The following CTSO variants were observed in gnomAD, a reference collection of about 807,000 sequenced individuals.
CTSO encodes cathepsin O.
CTSO carries 40 observed loss-of-function variants against 42.4 expected under a neutral mutation model. The ratio of observed to expected loss-of-function variants is 0.94; its 90% CI spans 0.73 to 1.23. The LOEUF (loss-of-function observed/expected upper bound fraction) is 1.23. Among genes scored for constraint, CTSO ranks in the 50% most tolerant of loss-of-function variants. CTSO has a pLI of 0.00. For synonymous variants in CTSO, 156 were observed against 146.2 expected, an observed-to-expected ratio of 1.07 and a Z score of -0.48; for missense variants, 441 against 396.0, an observed-to-expected ratio of 1.11 and a Z score of -0.96.
intron 1 of CTSO, among the ~76,000 whole-genome samples, chr4:155,950,563 A>C (rs903748728): frequency 5.3e-5 from 8 of 152,146 alleles, no homozygotes; most frequent in Non-Finnish European, 1.0e-4. Flanking sequence ...ATCTTTATAT[A>C]AGGTAGAACA....
chr4:155,933,434 T>A lies in CTSO; in HGVS notation c.675-3729A>T, dbSNP rs59231296. Among the ~76,000 whole-genome samples, 1,256 of 152,266 alleles carry A rather than the reference T, an allele frequency of 8.2e-3. 13 individuals carry two copies. Among genetic ancestry groups the A allele is most frequent in the African/African-American group, 0.029 (1,206 of 41,554 alleles). ...CTTTATCAGCAGCATGAAAATGGACTCATAGTAAATTGGTACTAGTAGATT... is the reference window on the plus strand; with the variant it reads ...CTTTATCAGCAGCATGAAAATGGACACATAGTAAATTGGTACTAGTAGATT... On this transcript the variant is annotated intron_variant, in intron 5 of 7. Coordinates refer to ENST00000433477, the MANE Select transcript of CTSO (RefSeq NM_001334.3).
chr4:155,926,200 CT>C, intron 7 of CTSO, 130 bp from the exon 8 acceptor site: 1 of 617,510 alleles, frequency 1.6e-6, no homozygotes, highest in South Asian at 2.3e-5. Context: ...CTTATCACAG[CT>C]TGTCAATGTA....
intron 4 of CTSO, 132 bp from the exon 5 acceptor site, chr4:155,937,615 TTTTTC>T: frequency 3.3e-5 from 28 of 849,712 alleles, no homozygotes; most frequent in South Asian, 5.0e-5. Flanking sequence ...CGTTCTTTTT[TTTTTC>T]TTTTTCTTTT....
intron 1 of CTSO, 63 bp from the exon 2 acceptor site, chr4:155,943,327 T>A: frequency 2.1e-6 from 2 of 969,302 alleles, no homozygotes; most frequent in Non-Finnish European, 3.2e-6. Context: ...AAACTGTGTA[T>A]AACTAACTTG....
At chr4:155,937,335 A>G (rs1743346693) in intron 5 of CTSO, 27 bp downstream of exon 5, 3 of 1,560,374 alleles carry the variant, frequency 1.9e-6, no homozygotes, top group Non-Finnish European at 2.6e-6. Context: ...ATGTATAAAG[A>G]AAAACATAAT....
At chr4:155,951,777 C>T (rs1209825584) in intron 1 of CTSO, among the ~76,000 whole-genome samples, 3 of 152,148 alleles carry the variant, frequency 2.0e-5, no homozygotes, top group Non-Finnish European at 4.4e-5. Flanking sequence ...AAGGCCCTTT[C>T]CACCTTTCCC....
chr4:155,947,931 T>C (rs777357241), intron 1 of CTSO, among the ~76,000 whole-genome samples: 37 of 152,200 alleles, frequency 2.4e-4, no homozygotes, highest in Admixed American at 1.3e-3. Flanking sequence ...TTTTGATGAA[T>C]ACATAGGAAA....
At chr4:155,944,810 T>C (rs559855243) in intron 1 of CTSO, among the ~76,000 whole-genome samples, 66 of 152,192 alleles carry the variant, frequency 4.3e-4, no homozygotes, top group African/African-American at 1.4e-3. Context: ...CAAACCAAAG[T>C]TTCCTTGGAC....
intron 1 of CTSO, among the ~76,000 whole-genome samples, chr4:155,948,398 T>C (rs1229212539): frequency 1.3e-5 from 2 of 151,752 alleles, no homozygotes; most frequent in Admixed American, 6.6e-5. Flanking sequence ...TGTGTGTGTG[T>C]GCACATGTGT....
In CTSO at chr4:155,926,050, A is replaced by G; in HGVS notation, c.952T>C (p.Ser318Pro). Reference sequence around the variant, plus strand: ...TGCCCAACATGTCACACAAATATAGAAGAAACGGAATCTGCAATACCTAAG... The same window carrying G: ...TGCCCAACATGTCACACAAATATAGGAGAAACGGAATCTGCAATACCTAAG... Reference protein sequence around the residue: ...NVCGIADSVSSIFV With the variant: ...NVCGIADSVSPIFV Residue 318 changes from serine to proline, a missense_variant, in exon 8 of 8, where the codon TCT (serine) becomes CCT (proline). Physicochemically the swap from Ser to Pro is moderately conservative, Grantham distance 74. Transcript: ENST00000433477. 6.3e-7 allele frequency: 1 copy of G among 1,598,722 alleles called. No homozygotes were observed. The highest frequency in any genetic ancestry group is 2.3e-5 in the East Asian group (1 of 44,306).
At chr4:155,931,758 C>T (rs527800994) in intron 5 of CTSO, among the ~76,000 whole-genome samples, 8 of 151,058 alleles carry the variant, frequency 5.3e-5, no homozygotes, top group African/African-American at 1.7e-4. Context: ...TTTCCAAAAC[C>T]TACAGTTTTG....
Position 155,926,036 on chromosome 4 carries a change from TCA to T in CTSO, c.964_965del (p.Ter322ThrfsTer40), listed in dbSNP as rs1332857348. 1 of 1,604,126 alleles carries T rather than the reference TCA, an allele frequency of 6.2e-7. No individual in the cohort carries two copies. The highest frequency in any genetic ancestry group is 8.5e-7 in the Non-Finnish European group (1 of 1,174,716). On this transcript the variant is annotated frameshift_variant and stop_lost, in exon 8 of 8. Coordinates refer to ENST00000433477, the MANE Select transcript of CTSO (RefSeq NM_001334.3). LOFTEE classifies it high-confidence loss of function. ...IADSVSSIFV[*>X] ...GCTGTCTCTTGATCTGCCCAACATG[TCA>T]CACAAATATAGAAGAAACGGAATCT...
Position 155,929,681 on chromosome 4 carries a change from T to C in CTSO, c.699A>G (p.Lys233=). Residue 233 remains lysine, a synonymous_variant, in exon 6 of 8, where the codon AAA becomes AAG. Transcript: ENST00000433477. ...CCAAAGGGCCAAAGGTAAGAAGTGCTTTTGCCATTTCATCTTCTTGGTCAC... is the reference window on the plus strand; with the variant it reads ...CCAAAGGGCCAAAGGTAAGAAGTGCCTTTGCCATTTCATCTTCTTGGTCAC... The part of the protein sequence containing the change: ...DFSDQEDEMA[K]ALLTFGPLVV... The C allele has an allele frequency of 6.2e-7, 1 of 1,610,830 alleles. No homozygotes were observed. Among genetic ancestry groups the C allele is most frequent in the Non-Finnish European group, 8.5e-7 (1 of 1,179,270 alleles).
intron 1 of CTSO, among the ~76,000 whole-genome samples, chr4:155,951,785 C>A (rs1434981965): frequency 6.6e-6 from 1 of 152,262 alleles, no homozygotes; most frequent in South Asian, 2.1e-4. Context: ...TTCCACCTTT[C>A]CCACTGTCCA....
chr4:155,937,255 A>G, intron 5 of CTSO, 107 bp downstream of exon 5: 1 of 733,580 alleles, frequency 1.4e-6, no homozygotes, highest in South Asian at 2.4e-5. Context: ...AGTATGTTTT[A>G]CAAGGATTAA....
intron 5 of CTSO, among the ~76,000 whole-genome samples, chr4:155,931,680 A>G (rs1743236335): frequency 6.6e-6 from 1 of 152,018 alleles, no homozygotes; most frequent in Non-Finnish European, 1.5e-5. Context: ...CAACATGTAC[A>G]TTGTTATAAT....
rs1560788159 is a variant in CTSO, at chr4:155,939,517, T to C, written c.406A>G (p.Ser136Gly). Reference protein sequence around the residue: ...QQMCGGCWAFSVVGAVESAYA... With the variant: ...QQMCGGCWAFGVVGAVESAYA... ...GCAGATTCCACTGCCCCCACCACGCTGAAGGCCCAGCATCCTCCACACTGT... is the reference window on the plus strand; with the variant it reads ...GCAGATTCCACTGCCCCCACCACGCCGAAGGCCCAGCATCCTCCACACTGT... Residue 136 changes from serine (S) to glycine (G), a missense_variant, in exon 4 of 8, where the codon AGC becomes GGC. Ser to Gly is a moderately conservative substitution (Grantham distance 56). Transcript: ENST00000433477. The C allele has an allele frequency of 6.2e-7, 1 of 1,613,894 alleles. No homozygotes were observed. Among genetic ancestry groups the C allele is most frequent in the Non-Finnish European group, 8.5e-7 (1 of 1,179,850 alleles).
In CTSO at chr4:155,939,476, C is replaced by T. The variant is rs762167816; in HGVS notation, c.447G>A (p.Gly149=). The change falls in exon 4 of 8, where the codon GGG becomes GGA. Residue 149 remains glycine, a synonymous_variant. Transcript: ENST00000433477. ...GAVESAYAIK[G]KPLEDLSVQQ... Reference sequence around the variant, plus strand: ...GGACACTTAGGTCTTCCAGGGGCTTCCCCTTTATTGCATAAGCAGATTCCA... The same window carrying T: ...GGACACTTAGGTCTTCCAGGGGCTTTCCCTTTATTGCATAAGCAGATTCCA... 4.6e-5 allele frequency: 75 copies of T among 1,614,028 alleles called. 1 individual carries two copies. The South Asian group carries it at 6.7e-4, about 14-fold the overall frequency.
At chr4:155,952,965 C>T (rs2110943084) in intron 1 of CTSO, among the ~76,000 whole-genome samples, 1 of 152,188 alleles carries the variant, frequency 6.6e-6, no homozygotes, top group East Asian at 1.9e-4. Context: ...GCATCCCTTG[C>T]AGTTTCCTTG....
Sources: gnomAD v4.1 joint callset for allele counts (sites outside exome capture counted in the v4.1 genomes callset) on GRCh38, gnomAD v4.1.1 for gene constraint, MANE v1.5 for transcripts, NCBI Gene and HGNC (gene_info 2026-07-23, HGNC 2026-07-21) for gene names.